ARID1B: variants seen among roughly 807,000 people sequenced by gnomAD.
The protein encoded by ARID1B is AT-rich interactive domain-containing protein 1B.
Under a neutral mutation model 212.3 loss-of-function variants are expected in ARID1B, and 30 were observed. The ratio of observed to expected loss-of-function variants is 0.14; its 90% CI spans 0.11 to 0.19. The LOEUF (loss-of-function observed/expected upper bound fraction) is 0.19, where lower values mean the gene tolerates loss of function less well. Among genes scored for constraint, ARID1B ranks in the 10% least tolerant of loss-of-function variants. ARID1B has a pLI of 1.00. For synonymous variants in ARID1B, 1,402 were observed against 1,301.7 expected (o/e 1.08, Z -1.66); for missense variants, 2,891 against 3,204.0 (o/e 0.90, Z 2.36).
chr6:157,054,349 T>C (rs1202887383), intron 4 of ARID1B, among the ~76,000 whole-genome samples: 1 of 152,236 alleles, frequency 6.6e-6, no homozygotes, highest in East Asian at 1.9e-4. Flanking sequence ...CTATCTTCAA[T>C]TTCCTTAGCA....
intron 7 of ARID1B, among the ~76,000 whole-genome samples, chr6:157,139,379 C>T (rs1583382843): frequency 2.0e-5 from 3 of 152,142 alleles, no homozygotes; most frequent in East Asian, 1.9e-4. Flanking sequence ...TCCATTTATT[C>T]GAATGTTTAA....
At position 157,062,386 on chromosome 6, in the gene ARID1B, C is replaced by T. The variant is rs535684213; in HGVS notation, c.2248-22276C>T. ...TAATTTTTTTCATTTTTTGTAGAGA[C>T]GGGGTCTCACTGCATTGCCCAGGCT... On this transcript the variant is annotated intron_variant, in intron 4 of 19. Transcript: ENST00000636930. 1.3e-5 allele frequency among the ~76,000 whole-genome samples: 2 copies of T among 151,748 alleles called. 1 individual carries two copies. The highest frequency in any genetic ancestry group is 4.8e-5 in the African/African-American group (2 of 41,380).
At chr6:156,961,783 T>C (rs1399395110) in intron 4 of ARID1B, among the ~76,000 whole-genome samples, 2 of 152,198 alleles carry the variant, frequency 1.3e-5, no homozygotes, top group Non-Finnish European at 2.9e-5. Flanking sequence ...TCTGATCTTG[T>C]TTATGATTAG....
chr6:156,961,894 A>G (rs1036939452), intron 4 of ARID1B, among the ~76,000 whole-genome samples: 4 of 152,178 alleles, frequency 2.6e-5, no homozygotes, highest in African/African-American at 9.7e-5. Context: ...TGCCACTTCT[A>G]ATCTCTTCTA....
intron 5 of ARID1B, among the ~76,000 whole-genome samples, chr6:157,090,659 C>A (rs995229401): frequency 6.6e-6 from 1 of 152,188 alleles, no homozygotes; most frequent in Non-Finnish European, 1.5e-5. Flanking sequence ...AAAGTAGAAC[C>A]CTTTTTCTTT....
At chr6:157,171,346 G>A (rs1358793530) in intron 9 of ARID1B, among the ~76,000 whole-genome samples, 1 of 152,154 alleles carries the variant, frequency 6.6e-6, no homozygotes, top group Admixed American at 6.5e-5. Flanking sequence ...TGGATTACTC[G>A]TGTCAATAGG....
chr6:157,143,660 G>A (rs1227466550), intron 7 of ARID1B, among the ~76,000 whole-genome samples: 1 of 152,172 alleles, frequency 6.6e-6, no homozygotes, highest in Non-Finnish European at 1.5e-5. Flanking sequence ...CACTTGTCAC[G>A]CTGCTAGGGA....
intron 4 of ARID1B, among the ~76,000 whole-genome samples, chr6:156,999,029 G>T (rs369779157): frequency 6.6e-6 from 1 of 152,192 alleles, no homozygotes; most frequent in Non-Finnish European, 1.5e-5. Flanking sequence ...TCTCTCTTCA[G>T]TGGTGACTTT....
At chr6:157,178,222 C>T (rs897066410) in intron 11 of ARID1B, among the ~76,000 whole-genome samples, 2 of 152,110 alleles carry the variant, frequency 1.3e-5, no homozygotes, top group East Asian at 1.9e-4. Flanking sequence ...TTCCTGTTAG[C>T]ATGTTCCAAG....
chr6:156,816,684 G>GGGTA (rs1322975034), intron 1 of ARID1B, among the ~76,000 whole-genome samples: 1 of 152,162 alleles, frequency 6.6e-6, no homozygotes, highest in African/African-American at 2.4e-5. Context: ...CAGCTGTGCT[G>GGGTA]GGTACAGAGT....
chr6:157,191,418 G>A (rs1018265886), intron 15 of ARID1B, among the ~76,000 whole-genome samples: 8 of 152,182 alleles, frequency 5.3e-5, no homozygotes, highest in African/African-American at 1.9e-4. Context: ...CCGGTGGTAA[G>A]GCATGGAGTG....
chr6:156,904,833 T>G (rs891564579), intron 3 of ARID1B, among the ~76,000 whole-genome samples: 3 of 152,246 alleles, frequency 2.0e-5, no homozygotes, highest in African/African-American at 7.2e-5. Context: ...TTTAAAACAT[T>G]GTATAAAATT....
intron 1 of ARID1B, among the ~76,000 whole-genome samples, chr6:156,784,275 C>T (rs1779482919): frequency 6.6e-6 from 1 of 152,134 alleles, no homozygotes; most frequent in South Asian, 2.1e-4. Context: ...GCTGAGGAAT[C>T]CCAAACCCTG....
Position 156,778,658 on chromosome 6 carries a change from C to T in ARID1B, c.978C>T (p.Gly326=), listed in dbSNP as rs1583024782. 6.8e-7 allele frequency: 1 copy of T among 1,474,014 alleles called. No homozygotes were observed. The highest frequency in any genetic ancestry group is 9.0e-7 in the Non-Finnish European group (1 of 1,109,208). The allele number at this position is 1,474,014 out of a possible 1,614,324, so 91.3% of individuals were successfully genotyped here. A position where few individuals can be genotyped will look rare whatever the true frequency, so the allele number is the denominator to read the frequency against. ...YYGSAAPASG[G]PGGRAGPCFD... ...GCAGCGCTGCCCCTGCGAGCGGCGG[C>T]CCCGGCGGCCGCGCTGGGCCTTGCT... Residue 326 remains glycine, a synonymous_variant, in exon 1 of 20, where the codon GGC becomes GGT. Coordinates refer to ENST00000636930, the MANE Select transcript of ARID1B (RefSeq NM_001374828.1).
At chr6:157,036,343 C>G (rs1048744257) in intron 4 of ARID1B, 1 of 152,678 alleles carries the variant, frequency 6.5e-6, no homozygotes, top group Non-Finnish European at 1.5e-5. Flanking sequence ...CAGAGTATTG[C>G]TTTCAGGAAC....
rs188054802 is a variant in ARID1B, at chr6:157,028,247, G to C, written c.2248-56415G>C. ...CTTAGTGCTCATATGTTTTTTAACAGTCCCTCACTGCCTGGACACCCATCA... is the reference window on the plus strand; with the variant it reads ...CTTAGTGCTCATATGTTTTTTAACACTCCCTCACTGCCTGGACACCCATCA... On this transcript the variant is annotated intron_variant, in intron 4 of 19. Coordinates refer to ENST00000636930, the MANE Select transcript of ARID1B (RefSeq NM_001374828.1). 2.2e-3 allele frequency among the ~76,000 whole-genome samples: 336 copies of C among 152,224 alleles called. 1 individual carries two copies. The highest frequency in any genetic ancestry group is 3.0e-3 in the Non-Finnish European group (203 of 68,010).
At chr6:157,041,611 T>C (rs528551980) in intron 4 of ARID1B, among the ~76,000 whole-genome samples, 1 of 152,292 alleles carries the variant, frequency 6.6e-6, no homozygotes, top group Admixed American at 6.5e-5. Flanking sequence ...TCCACTCTCA[T>C]ATGAGACGTG....
intron 4 of ARID1B, among the ~76,000 whole-genome samples, chr6:157,046,563 C>T (rs1352695926): frequency 6.6e-6 from 1 of 152,156 alleles, no homozygotes; most frequent in Non-Finnish European, 1.5e-5. Flanking sequence ...TAACAGGCCT[C>T]CTGTATTCAT....
chr6:156,993,343 A>C (rs1465376378), intron 4 of ARID1B, among the ~76,000 whole-genome samples: 1 of 152,248 alleles, frequency 6.6e-6, no homozygotes, highest in East Asian at 1.9e-4. Flanking sequence ...GGCACATTTT[A>C]AATATATCTA....
Sources: gnomAD v4.1 joint callset for allele counts (sites outside exome capture counted in the v4.1 genomes callset) on GRCh38, gnomAD v4.1.1 for gene constraint, MANE v1.5 for transcripts, NCBI Gene and HGNC (gene_info 2026-07-23, HGNC 2026-07-21) for gene names.